INSR: variants seen among roughly 807,000 people sequenced by gnomAD.
The protein encoded by INSR is IR.
INSR carries 67 observed loss-of-function variants against 142.6 expected under a neutral mutation model. The observed-to-expected ratio is 0.47, with a 90% confidence interval of 0.39 to 0.58. The LOEUF is 0.58. Ranked by LOEUF, INSR falls within the 20% of genes least tolerant of loss-of-function variation. INSR has a pLI of 0.00. For synonymous variants in INSR, 756 were observed against 743.1 expected (o/e 1.02, Z -0.28); for missense variants, 1,248 against 1,833.2 (o/e 0.68, Z 5.83).
intron 4 of INSR, among the ~76,000 whole-genome samples, chr19:7,173,758 T>C (rs1423228351): frequency 6.6e-6 from 1 of 151,794 alleles, no homozygotes; most frequent in Non-Finnish European, 1.5e-5. Flanking sequence ...TAGCTGGGAT[T>C]ACAGGCACGC....
chr19:7,148,445 T>A (rs1251263838), intron 11 of INSR, among the ~76,000 whole-genome samples: 1 of 150,806 alleles, frequency 6.6e-6, no homozygotes, highest in Non-Finnish European at 1.5e-5. Flanking sequence ...CCAAATATTA[T>A]TTATTATTAT....
At chr19:7,178,249 G>T (rs1006192630) in intron 3 of INSR, among the ~76,000 whole-genome samples, 1 of 134,056 alleles carries the variant, frequency 7.5e-6, no homozygotes, top group Non-Finnish European at 1.6e-5. Context: ...CTTGTGGGGG[G>T]GGGGGTGCCT....
At chr19:7,146,536 C>T (rs563957880) in intron 11 of INSR, among the ~76,000 whole-genome samples, 8 of 152,256 alleles carry the variant, frequency 5.3e-5, no homozygotes, top group African/African-American at 1.9e-4. Context: ...AGCCACCATG[C>T]TCAACCTCTT....
At chr19:7,273,872 A>G (rs1403352720) in intron 1 of INSR, among the ~76,000 whole-genome samples, 3 of 151,910 alleles carry the variant, frequency 2.0e-5, no homozygotes, top group Non-Finnish European at 4.4e-5. Context: ...TCACACCTGT[A>G]ATCCCAGCTA....
chr19:7,173,990 G>A (rs1197780675), intron 4 of INSR, among the ~76,000 whole-genome samples: 2 of 151,818 alleles, frequency 1.3e-5, no homozygotes, highest in East Asian at 1.9e-4. Flanking sequence ...TGTTAAAAAC[G>A]ACGATTCCAA....
Position 7,197,838 on chromosome 19 carries a change from G to GAGAA in INSR, c.653-13202_653-13201insTTCT, listed in dbSNP as rs1555750101. ...AGAGAGCGAGAGAGAGAGAGAACGA[G>GAGAA]AGAGAGAGAGAGAGAACGAGAGAGA... On this transcript the variant is annotated intron_variant, in intron 2 of 21. Transcript: ENST00000302850. Among the ~76,000 whole-genome samples the GAGAA allele has an allele frequency of 1.1e-4, 11 of 100,464 alleles. 1 individual carries two copies. Among genetic ancestry groups the GAGAA allele is most frequent in the East Asian group, 5.8e-4 (2 of 3,444 alleles). 65.9% of individuals were successfully genotyped at this position (100,464 alleles called of 152,430 possible).
intron 2 of INSR, among the ~76,000 whole-genome samples, chr19:7,254,967 T>C (rs1003350818): frequency 2.0e-5 from 3 of 152,126 alleles, no homozygotes; most frequent in Non-Finnish European, 4.4e-5. Flanking sequence ...CCCAAAAGGA[T>C]TGGGCCAAAA....
At chr19:7,163,787 T>G (rs577801349) in intron 8 of INSR, among the ~76,000 whole-genome samples, 1 of 151,320 alleles carries the variant, frequency 6.6e-6, no homozygotes, top group Non-Finnish European at 1.5e-5. Flanking sequence ...TTATAAAGTT[T>G]GAATTCGAGG....
At chr19:7,235,652 C>T (rs1485078238) in intron 2 of INSR, among the ~76,000 whole-genome samples, 1 of 151,966 alleles carries the variant, frequency 6.6e-6, no homozygotes, top group African/African-American at 2.4e-5. Flanking sequence ...GGGTTCAAGA[C>T]CAGCCTGGGC....
At chr19:7,284,010 A>G (rs1239805858) in intron 1 of INSR, among the ~76,000 whole-genome samples, 1 of 152,146 alleles carries the variant, frequency 6.6e-6, no homozygotes, top group East Asian at 1.9e-4. Context: ...ATGCCTGAAC[A>G]AAGTTTATGT....
chr19:7,202,987 G>GTTTTTTTTTT (rs111825279), intron 2 of INSR, among the ~76,000 whole-genome samples: 5 of 143,794 alleles, frequency 3.5e-5, no homozygotes, highest in African/African-American at 7.9e-5. Flanking sequence ...TTTGGGGTGG[G>GTTTTTTTTTT]GTTTTGTTGT....
Position 7,231,458 on chromosome 19 carries a change from G to A in INSR, c.652+35887C>T, listed in dbSNP as rs765861064. The stretch of plus-strand genomic sequence containing the variant: ...TGGGATTACAGGTCCCCAACACCAC[G>A]CCCTGCTAATTTTTGTATTTTTAGT... On this transcript the variant is annotated intron_variant, in intron 2 of 21. Coordinates refer to ENST00000302850, the MANE Select transcript of INSR (RefSeq NM_000208.4). Among the ~76,000 whole-genome samples the A allele has an allele frequency of 8.2e-4, 125 of 151,590 alleles. 5 individuals are homozygous for A. Among genetic ancestry groups the A allele is most frequent in the East Asian group, 1.9e-4 (1 of 5,158 alleles).
At chr19:7,171,906 CCTTTT>C (rs1246278937) in intron 5 of INSR, among the ~76,000 whole-genome samples, 3 of 143,560 alleles carry the variant, frequency 2.1e-5, no homozygotes, top group South Asian at 2.2e-4. Context: ...TTAAGTTTTT[CCTTTT>C]CTTTTCTTTT....
At chr19:7,182,575 C>T (rs1417037212) in intron 3 of INSR, among the ~76,000 whole-genome samples, 2 of 152,014 alleles carry the variant, frequency 1.3e-5, no homozygotes, top group African/African-American at 2.4e-5. Flanking sequence ...TTTAAACCTA[C>T]GCAATAAAAT....
In INSR at chr19:7,174,580, C is replaced by T. The variant is rs780912359; in HGVS notation, c.1123+3G>A. The T allele has an allele frequency of 1.2e-6, 2 of 1,613,982 alleles. No homozygotes were observed. Among genetic ancestry groups the T allele is most frequent in the Non-Finnish European group, 1.7e-6 (2 of 1,179,942 alleles). On this transcript the variant is annotated splice_donor_region_variant and intron_variant, in intron 4 of 21. Coordinates refer to ENST00000302850, the MANE Select transcript of INSR (RefSeq NM_000208.4). ...CCCCCGACGCCCACACAGAGACACT[C>T]ACTGCCTCCTCGAATGTTGATGATC...
At chr19:7,285,908 C>T (rs1968333667) in intron 1 of INSR, among the ~76,000 whole-genome samples, 2 of 152,256 alleles carry the variant, frequency 1.3e-5, no homozygotes, top group Admixed American at 1.3e-4. Flanking sequence ...CCATACAACT[C>T]TACACATGGC....
chr19:7,293,393 C>T (rs1968549011), intron 1 of INSR, among the ~76,000 whole-genome samples: 1 of 152,184 alleles, frequency 6.6e-6, no homozygotes, highest in South Asian at 2.1e-4. Context: ...GCTCGGGGGA[C>T]TTGGCTGTTC....
chr19:7,220,111 T>C (rs951736931), intron 2 of INSR, among the ~76,000 whole-genome samples: 3 of 152,138 alleles, frequency 2.0e-5, no homozygotes, highest in Non-Finnish European at 4.4e-5. Context: ...GCTCTGGGAA[T>C]AGAGTCCACA....
At position 7,279,097 on chromosome 19, in the gene INSR, T is replaced by C. The variant is rs1183791185; in HGVS notation, c.101-11201A>G. On this transcript the variant is annotated intron_variant, in intron 1 of 21. Coordinates refer to ENST00000302850, the MANE Select transcript of INSR (RefSeq NM_000208.4). The stretch of plus-strand genomic sequence containing the variant: ...GAGCTGAGATCACGCCACTGCACTC[T>C]AGCCTGGGTGACAGAGTGACACTCC... Among the ~76,000 whole-genome samples, 3 of 151,844 alleles carry C rather than the reference T, an allele frequency of 2.0e-5. No homozygotes were observed. In the East Asian group the frequency reaches 5.8e-4, roughly 29 times the overall value.
Sources: gnomAD v4.1 joint callset for allele counts (sites outside exome capture counted in the v4.1 genomes callset) on GRCh38, gnomAD v4.1.1 for gene constraint, MANE v1.5 for transcripts, NCBI Gene and HGNC (gene_info 2026-07-23, HGNC 2026-07-21) for gene names.